P2RY8: variants seen among roughly 807,000 people sequenced by gnomAD.
P2RY8 encodes S-geranylgeranyl-glutathione receptor P2RY8.
In P2RY8, 6 loss-of-function variants were observed where a neutral mutation model predicts 10.0. The observed-to-expected ratio is 0.60, with a 90% CI of 0.33 to 1.19. The LOEUF is 1.19. Ranked by LOEUF, P2RY8 falls within the 50% of genes most tolerant of loss-of-function variation. P2RY8 has a pLI of 0.04. For missense variants in P2RY8, 456 were observed against 542.0 expected (o/e 0.84, Z 1.58); for synonymous variants, 276 against 252.5 (o/e 1.09, Z -0.88).
At chrX:1,512,520 C>G (rs778175907) in intron 1 of P2RY8, among the ~76,000 whole-genome samples, 1 of 126,416 alleles carries the variant, frequency 7.9e-6, no homozygotes, top group East Asian at 2.3e-4. Flanking sequence ...GCACTCCAGC[C>G]TGGGCAACAG....
intron 1 of P2RY8, among the ~76,000 whole-genome samples, chrX:1,506,454 AC>A: frequency 6.6e-6 from 1 of 152,136 alleles, no homozygotes; most frequent in African/African-American, 2.4e-5. Flanking sequence ...CTGAGAGAAG[AC>A]TGCCTCTTTG....
chrX:1,477,733 G>A (rs2149382261), intron 1 of P2RY8, among the ~76,000 whole-genome samples: 1 of 152,276 alleles, frequency 6.6e-6, no homozygotes, highest in Non-Finnish European at 1.5e-5. Flanking sequence ...GGGCTGAAAT[G>A]TCAGCAGTGC....
At position 1,484,570 on chromosome X, in the gene P2RY8, C is replaced by CA. The variant is rs1188004421; in HGVS notation, c.-24-17989dup. On this transcript the variant is annotated intron_variant, in intron 1 of 1. Coordinates refer to ENST00000381297, the MANE Select transcript of P2RY8 (RefSeq NM_178129.5). ...CAAAGCCTCGTCTGTACTAAAAATA[C>CA]AAAAAAAATTAGCCGGGTGTCATGG... Among the ~76,000 whole-genome samples, 213 of 150,588 alleles carry CA rather than the reference C, an allele frequency of 1.4e-3. 3 individuals carry two copies. The highest frequency in any genetic ancestry group is 4.8e-3 in the African/African-American group (198 of 41,144).
chrX:1,465,987 GC>G lies in P2RY8; in HGVS notation c.571del (p.Ala191ProfsTer17). ...GATGAAGATGGTGAAGAGGAACACG[GC>G]CCACATGGCCACGCTGGGGAGCATC... ...WTMLPSVAMW[A>X]VFLFTIFILL... On this transcript the variant is annotated frameshift_variant, in exon 2 of 2. Coordinates refer to ENST00000381297, the MANE Select transcript of P2RY8 (RefSeq NM_178129.5). LOFTEE classifies it low-confidence loss of function (END_TRUNC). 1 of 1,612,310 alleles carries G rather than the reference GC, an allele frequency of 6.2e-7. No homozygotes were observed. Among genetic ancestry groups the G allele is most frequent in the Non-Finnish European group, 8.5e-7 (1 of 1,179,808 alleles).
At chrX:1,509,129 A>ATCTATCTG (rs2092267802) in intron 1 of P2RY8, among the ~76,000 whole-genome samples, 2 of 151,312 alleles carry the variant, frequency 1.3e-5, no homozygotes, top group Non-Finnish European at 2.9e-5. Flanking sequence ...CTATCTATCT[A>ATCTATCTG]TCTATCTATC....
rs376216673 is a variant in P2RY8 at position 1,465,583 on chromosome X, A to G, written c.976T>C (p.Phe326Leu). The change falls in exon 2 of 2, where the codon TTC becomes CTC. Residue 326 changes from phenylalanine to leucine, a missense_variant. Phe to Leu is a conservative substitution (Grantham distance 22). Coordinates refer to ENST00000381297, the MANE Select transcript of P2RY8 (RefSeq NM_178129.5). ...DTLDTRRESL[F>L]SARTTSVRSE... Reference sequence around the variant, plus strand: ...CGCACGGACGTGGTCCTGGCGGAGAAGAGGCTCTCGCGGCGCGTGTCCAGG... The same window carrying G: ...CGCACGGACGTGGTCCTGGCGGAGAGGAGGCTCTCGCGGCGCGTGTCCAGG... 6 of 1,612,870 alleles carry G rather than the reference A, an allele frequency of 3.7e-6. No individual in the cohort carries two copies. Among genetic ancestry groups the G allele is most frequent in the Non-Finnish European group, 5.1e-6 (6 of 1,179,800 alleles).
chrX:1,465,251 C>A lies in P2RY8; in HGVS notation c.*228G>T. On this transcript the variant is annotated 3_prime_UTR_variant, in exon 2 of 2. Transcript: ENST00000381297. ...AGGATAACAAGCACCCTGTGCGCTG[C>A]TGGGCTTTGCTTGTTTCTCTACCCT... is the stretch of plus-strand genomic sequence containing the variant. 3.0e-6 allele frequency: 2 copies of A among 665,284 alleles called. No homozygotes were observed. The highest frequency in any genetic ancestry group is 2.5e-6 in the Non-Finnish European group (1 of 407,128). The allele number at this position is 665,284 out of a possible 1,614,324, so 41.2% of individuals were successfully genotyped here. A position where few individuals can be genotyped will look rare whatever the true frequency, so the allele number is the denominator to read the frequency against.
At chrX:1,506,619 C>T (rs1242992143) in intron 1 of P2RY8, among the ~76,000 whole-genome samples, 5 of 151,886 alleles carry the variant, frequency 3.3e-5, no homozygotes, top group South Asian at 2.1e-4. Context: ...CCATGAGCTC[C>T]GTGACTCAGA....
intron 1 of P2RY8, among the ~76,000 whole-genome samples, chrX:1,477,924 G>T (rs1241194090): frequency 6.6e-6 from 1 of 152,178 alleles, no homozygotes; most frequent in Non-Finnish European, 1.5e-5. Context: ...GTCTCATCAT[G>T]GTTAGTGACC....
chrX:1,488,215 G>T (rs1291317415), intron 1 of P2RY8, among the ~76,000 whole-genome samples: 1 of 152,170 alleles, frequency 6.6e-6, no homozygotes, highest in African/African-American at 2.4e-5. Flanking sequence ...GTTATTCCTG[G>T]AGAGGCAGAA....
At chrX:1,469,136 C>G (rs1438358320) in intron 1 of P2RY8, among the ~76,000 whole-genome samples, 24 of 96,404 alleles carry the variant, frequency 2.5e-4, no homozygotes, top group African/African-American at 1.1e-3. Context: ...CCTTCCCTCT[C>G]TCCTCTCCTT....
chrX:1,528,111 C>A (rs1488960934), intron 1 of P2RY8, among the ~76,000 whole-genome samples: 2 of 152,190 alleles, frequency 1.3e-5, no homozygotes, highest in East Asian at 3.8e-4. Context: ...ATGCCTCCAA[C>A]CCCAGGGTAA....
chrX:1,512,772 G>A (rs1244878572), intron 1 of P2RY8, among the ~76,000 whole-genome samples: 3 of 152,084 alleles, frequency 2.0e-5, no homozygotes, highest in Non-Finnish European at 4.4e-5. Flanking sequence ...CACAGGAACA[G>A]TATGGGAGAA....
chrX:1,511,278 G>C (rs1313201024), intron 1 of P2RY8, among the ~76,000 whole-genome samples: 1 of 152,196 alleles, frequency 6.6e-6, no homozygotes, highest in African/African-American at 2.4e-5. Flanking sequence ...AAGTGAATGT[G>C]GAACTTCTGC....
At chrX:1,517,564 A>G (rs2092360526) in intron 1 of P2RY8, among the ~76,000 whole-genome samples, 1 of 152,136 alleles carries the variant, frequency 6.6e-6, no homozygotes, top group African/African-American at 2.4e-5. Flanking sequence ...TCTGAGCAAA[A>G]TGGAAACTAA....
rs760129386 is a variant in P2RY8, at chrX:1,485,529, C to G, written c.-24-18947G>C. 7.5e-4 allele frequency among the ~76,000 whole-genome samples: 113 copies of G among 150,950 alleles called. 1 individual carries two copies. The highest frequency in any genetic ancestry group is 2.6e-3 in the African/African-American group (108 of 41,192). ...TAACATTTTATTTACTTTTGTTTCT[C>G]TTTTATATTGTAATTAAGGCTATAT... On this transcript the variant is annotated intron_variant, in intron 1 of 1. Coordinates refer to ENST00000381297, the MANE Select transcript of P2RY8 (RefSeq NM_178129.5).
At chrX:1,507,774 C>T (rs1207375849) in intron 1 of P2RY8, among the ~76,000 whole-genome samples, 1 of 151,990 alleles carries the variant, frequency 6.6e-6, no homozygotes. Flanking sequence ...CCTGTGGTGA[C>T]GGGAGGGAAA....
chrX:1,497,811 G>T (rs146307821), intron 1 of P2RY8, among the ~76,000 whole-genome samples: 4 of 152,172 alleles, frequency 2.6e-5, no homozygotes, highest in African/African-American at 9.6e-5. Context: ...GCAGTGGGGC[G>T]GCGAGGGGCT....
At chrX:1,509,099 G>GTATCTATCTATCTATCTATCTATC (rs760585041) in intron 1 of P2RY8, among the ~76,000 whole-genome samples, 1 of 138,308 alleles carries the variant, frequency 7.2e-6, no homozygotes, top group African/African-American at 2.6e-5. Context: ...ATGTATCTAT[G>GTATCTATCTATCTATCTATCTATC]TATCTATCTA....
Sources: allele counts gnomAD v4.1 joint callset (sites outside exome capture counted in the v4.1 genomes callset), GRCh38; gene constraint gnomAD v4.1.1; transcripts MANE v1.5; gene names NCBI Gene and HGNC (gene_info 2026-07-23, HGNC 2026-07-21).